Variants in DROSHA observed in about 807,000 individuals in gnomAD.
DROSHA encodes ribonuclease 3.
DROSHA carries 56 observed loss-of-function variants against 181.9 expected under a neutral mutation model. That is an observed-to-expected ratio of 0.31 (90% CI 0.25 to 0.38). DROSHA has a LOEUF of 0.38. Ranked by LOEUF, DROSHA falls within the 10% of genes least tolerant of loss-of-function variation. The pLI is 1.00. For synonymous variants in DROSHA, 524 were observed against 591.2 expected, an observed-to-expected ratio of 0.89 and a Z score of 1.65; for missense variants, 1,218 against 1,743.5, an observed-to-expected ratio of 0.70 and a Z score of 5.37.
At chr5:31,506,583 C>T (rs1467846411) in intron 10 of DROSHA, among the ~76,000 whole-genome samples, 2 of 151,310 alleles carry the variant, frequency 1.3e-5, no homozygotes, top group Non-Finnish European at 2.9e-5. Context: ...GAGGCTAAGG[C>T]AGGAGAATCG....
chr5:31,457,144 T>TTA (rs1554031624), intron 20 of DROSHA, among the ~76,000 whole-genome samples: 6 of 146,608 alleles, frequency 4.1e-5, no homozygotes, highest in Non-Finnish European at 7.4e-5. Context: ...TTTTTTTTTT[T>TTA]ATGGAGTCTT....
At chr5:31,429,409 C>A in intron 27 of DROSHA, 66 bp downstream of exon 27, 1 of 1,427,246 alleles carries the variant, frequency 7.0e-7, no homozygotes, top group Non-Finnish European at 9.6e-7. Context: ...ATTACAAAGA[C>A]CAGCTGAAAT....
intron 3 of DROSHA, among the ~76,000 whole-genome samples, 162 bp downstream of exon 3, chr5:31,530,630 CAAAAAA>C (rs34124311): frequency 8.9e-6 from 1 of 112,692 alleles, no homozygotes; most frequent in Non-Finnish European, 1.7e-5. Context: ...AACTCTAGCT[CAAAAAA>C]AAAAAAAAAA....
intron 19 of DROSHA, 123 bp downstream of exon 19, chr5:31,466,059 G>A (rs1580190593): frequency 1.0e-6 from 1 of 989,766 alleles, no homozygotes; most frequent in South Asian, 1.7e-5. Context: ...GGAGGGTAAA[G>A]TATGATTTTT....
intron 11 of DROSHA, among the ~76,000 whole-genome samples, chr5:31,497,532 G>T (rs1458092944): frequency 6.6e-6 from 1 of 152,226 alleles, no homozygotes; most frequent in African/African-American, 2.4e-5. Context: ...TGTGCCTGGT[G>T]GCAATTTCCA....
chr5:31,516,731 C>G (rs1247992581), intron 6 of DROSHA, among the ~76,000 whole-genome samples: 1 of 152,112 alleles, frequency 6.6e-6, no homozygotes, highest in Non-Finnish European at 1.5e-5. Flanking sequence ...TATAGCCTGA[C>G]CTTCTCATTC....
chr5:31,465,177 T>C lies in DROSHA; in HGVS notation c.2467-834A>G, dbSNP rs60350996. On this transcript the variant is annotated intron_variant, in intron 19 of 35. Coordinates refer to ENST00000344624, the MANE Select transcript of DROSHA (RefSeq NM_001382508.1). ...AGTGACAAAGCCAGAATTCAAACAC[T>C]TTTTCCAGCTTCAAAGCCTTGCTCT... 8.8e-3 allele frequency among the ~76,000 whole-genome samples: 1,340 copies of C among 152,276 alleles called. 26 individuals carry two copies. Among genetic ancestry groups the C allele is most frequent in the African/African-American group, 0.03 (1,266 of 41,536 alleles).
chr5:31,440,566 G>C (rs190966010), intron 23 of DROSHA, among the ~76,000 whole-genome samples: 6 of 152,286 alleles, frequency 3.9e-5, no homozygotes, highest in Non-Finnish European at 5.9e-5. Flanking sequence ...TGTGAACAAT[G>C]AATAAGTGAT....
chr5:31,525,689 G>A (rs185842055), intron 5 of DROSHA, among the ~76,000 whole-genome samples: 296 of 151,976 alleles, frequency 1.9e-3, no homozygotes, highest in African/African-American at 6.8e-3. Flanking sequence ...CACGCAGATC[G>A]CCAGTTCCAA....
chr5:31,491,018 T>C (rs1752335459), intron 13 of DROSHA, among the ~76,000 whole-genome samples: 2 of 152,192 alleles, frequency 1.3e-5, no homozygotes, highest in African/African-American at 4.8e-5. Flanking sequence ...AACCTTGTGC[T>C]GGGGGATGTT....
At chr5:31,487,436 T>C (rs1289853752) in intron 13 of DROSHA, among the ~76,000 whole-genome samples, 1 of 152,256 alleles carries the variant, frequency 6.6e-6, no homozygotes, top group East Asian at 1.9e-4. Flanking sequence ...ACATAACAGG[T>C]TTTCCGTAAA....
At chr5:31,416,404 C>T (rs1011624079) in intron 30 of DROSHA, among the ~76,000 whole-genome samples, 2 of 152,162 alleles carry the variant, frequency 1.3e-5, no homozygotes, top group Admixed American at 6.5e-5. Context: ...ATACTGAGGG[C>T]CTATCATATG....
Position 31,470,624 on chromosome 5 carries a change from A to AT in DROSHA, c.2241+1438dup, listed in dbSNP as rs935741192. ...CAGTGAGAAAATCAAACGTTTGAGGATTTTTTTTTAACTACAGAAAACTGG... is the reference window on the plus strand; with the variant it reads ...CAGTGAGAAAATCAAACGTTTGAGGATTTTTTTTTTAACTACAGAAAACTGG... On this transcript the variant is annotated intron_variant, in intron 17 of 35. Transcript: ENST00000344624. This position sits in a 1 kb window ranked among gnomAD's most constrained non-coding sequence, Gnocchi z 4.0. Among the ~76,000 whole-genome samples, 12 of 151,668 alleles carry AT rather than the reference A, an allele frequency of 7.9e-5. No individual in the cohort carries two copies. Among genetic ancestry groups the AT allele is most frequent in the South Asian group, 4.2e-4 (2 of 4,776 alleles).
intron 30 of DROSHA, among the ~76,000 whole-genome samples, chr5:31,416,948 A>C (rs919612023): frequency 6.6e-6 from 1 of 152,200 alleles, no homozygotes; most frequent in Non-Finnish European, 1.5e-5. Flanking sequence ...GGAATGGAGA[A>C]AACAAACAAA....
chr5:31,429,907 C>T (rs577273106), intron 26 of DROSHA, among the ~76,000 whole-genome samples: 2 of 152,056 alleles, frequency 1.3e-5, no homozygotes, highest in Admixed American at 6.5e-5. Context: ...TTATAGTATA[C>T]GTTTCAGATC....
chr5:31,515,208 C>T lies in DROSHA; in HGVS notation c.1070G>A (p.Ser357Asn), dbSNP rs1739143574. The T allele has an allele frequency of 6.2e-7, 1 of 1,609,822 alleles. No individual in the cohort carries two copies. Among genetic ancestry groups the T allele is most frequent in the Non-Finnish European group, 8.5e-7 (1 of 1,179,076 alleles). Reference protein sequence around the residue: ...PLEIVNHRSPSREKKRARWEE... With the variant: ...PLEIVNHRSPNREKKRARWEE... ...CCAACGAGCTCTCTTCTTCTCCCTA[C>T]TTGGGGAGCGACTTCAAAAGAGGGC... is the stretch of plus-strand genomic sequence containing the variant. Residue 357 changes from serine to asparagine, a missense_variant, in exon 8 of 36, where the codon AGT (serine) becomes AAT (asparagine). Ser to Asn is a conservative substitution (Grantham distance 46, BLOSUM62 1). Coordinates refer to ENST00000344624, the MANE Select transcript of DROSHA (RefSeq NM_001382508.1).
At chr5:31,431,433 TA>T in intron 26 of DROSHA, 142 bp downstream of exon 26, 1 of 452,334 alleles carries the variant, frequency 2.2e-6, no homozygotes, top group Non-Finnish European at 3.9e-6. Context: ...AACTATAATA[TA>T]AGGTGGTAGG....
chr5:31,484,851 C>T (rs2150037476), intron 15 of DROSHA, 30 bp downstream of exon 15: 1 of 1,442,494 alleles, frequency 6.9e-7, no homozygotes, highest in East Asian at 2.5e-5. Flanking sequence ...TCCATAAACA[C>T]TACTCTCTTC....
chr5:31,489,903 AGTTTCGCTCTTGTCG>A (rs1561242928), intron 13 of DROSHA, among the ~76,000 whole-genome samples: 6 of 6,534 alleles, frequency 9.2e-4, no homozygotes, highest in Admixed American at 7.4e-3. Context: ...TTTGACGCGG[AGTTTCGCTCTTGTCG>A]CCCAGGCTGG....
Sources: allele counts gnomAD v4.1 joint callset (sites outside exome capture counted in the v4.1 genomes callset), GRCh38; gene constraint gnomAD v4.1.1; non-coding constraint Gnocchi (gnomAD v3.1); transcripts MANE v1.5; gene names NCBI Gene and HGNC (gene_info 2026-07-23, HGNC 2026-07-21).